The following ZSWIM7 variants were observed in gnomAD, a reference collection of about 807,000 sequenced individuals.
ZSWIM7 encodes the protein zinc finger SWIM-type containing 7.
A neutral mutation model predicts 21.1 loss-of-function variants in ZSWIM7; 22 were observed. The ratio of observed to expected loss-of-function variants is 1.04; its 90% CI spans 0.74 to 1.49. The LOEUF (loss-of-function observed/expected upper bound fraction) is 1.49. Among genes scored for constraint, ZSWIM7 ranks in the 40% most tolerant of loss-of-function variants. The pLI is 0.00. For synonymous variants in ZSWIM7, 67 were observed against 66.5 expected (o/e 1.01, Z -0.04); for missense variants, 193 against 168.0 (o/e 1.15, Z -0.82).
chr17:15,996,731 G>A (rs1970559715), intron 1 of ZSWIM7, among the ~76,000 whole-genome samples: 1 of 151,930 alleles, frequency 6.6e-6, no homozygotes, highest in East Asian at 1.9e-4. Flanking sequence ...CACACCTGTG[G>A]TACCAGTTAC....
intron 3 of ZSWIM7, 60 bp from the exon 4 acceptor site, chr17:15,981,204 C>G: frequency 2.4e-5 from 30 of 1,274,800 alleles, no homozygotes; most frequent in Non-Finnish European, 3.4e-5. Context: ...CACCTCTTTC[C>G]CTTTTTATTT....
rs1451700849 is a variant in ZSWIM7 at position 15,980,060 on chromosome 17, C to T, written c.306+980G>A. 7.0e-5 allele frequency among the ~76,000 whole-genome samples: 9 copies of T among 128,596 alleles called. No individual in the cohort carries two copies. In the East Asian group the frequency reaches 1.3e-3, roughly 18 times the overall value. The allele number at this position is 128,596 out of a possible 152,430, so 84.4% of individuals were successfully genotyped here. On this transcript the variant is annotated intron_variant, in intron 4 of 4. Transcript: ENST00000399277. Reference sequence around the variant, plus strand: ...CTGACCCCCCCACCTCCCTCCCGGACGGGGCGGCTGGCCGGGCAGAGGGGC... The same window carrying T: ...CTGACCCCCCCACCTCCCTCCCGGATGGGGCGGCTGGCCGGGCAGAGGGGC...
At chr17:15,980,747 T>C (rs1481708460) in intron 4 of ZSWIM7, among the ~76,000 whole-genome samples, 1 of 152,202 alleles carries the variant, frequency 6.6e-6, no homozygotes, top group South Asian at 2.1e-4. Flanking sequence ...CATATTTTTA[T>C]GGGGCCATCT....
At chr17:15,979,877 TGACCCCCCCACCTCCCTCCCGGAC>T (rs1336979030) in intron 4 of ZSWIM7, among the ~76,000 whole-genome samples, 2,124 of 54,788 alleles carry the variant, frequency 0.039, 747 homozygotes, top group Admixed American at 0.052. Flanking sequence ...GGCGGGGGGC[TGACCCCCCCACCTCCCTCCCGGAC>T]GGGGGGCTGA....
At chr17:15,982,781 G>A (rs904472141) in intron 3 of ZSWIM7, among the ~76,000 whole-genome samples, 40 of 152,210 alleles carry the variant, frequency 2.6e-4, no homozygotes, top group Admixed American at 2.5e-3. Context: ...CTCCTGAGGA[G>A]GTAGGAGTAC....
At chr17:15,989,653 GTCTC>G (rs1050673418) in intron 2 of ZSWIM7, among the ~76,000 whole-genome samples, 6 of 151,930 alleles carry the variant, frequency 3.9e-5, no homozygotes, top group East Asian at 1.9e-4. Flanking sequence ...TTGAGACAAA[GTCTC>G]TCTCTGTCAC....
At chr17:15,997,054 C>T (rs962956301) in intron 1 of ZSWIM7, among the ~76,000 whole-genome samples, 1 of 151,204 alleles carries the variant, frequency 6.6e-6, no homozygotes, top group African/African-American at 2.4e-5. Context: ...CAGATACTCA[C>T]TTGGGAGGCT....
intron 1 of ZSWIM7, among the ~76,000 whole-genome samples, chr17:15,995,317 G>A (rs551705233): frequency 1.3e-4 from 20 of 151,438 alleles, no homozygotes; most frequent in Non-Finnish European, 2.9e-4. Flanking sequence ...GCCCAGGCTG[G>A]AGTACAATGA....
chr17:15,991,704 G>A (rs1462875267), intron 2 of ZSWIM7, among the ~76,000 whole-genome samples: 1 of 152,086 alleles, frequency 6.6e-6, no homozygotes, highest in East Asian at 1.9e-4. Context: ...ATACAGTAAA[G>A]GTTAAGGCCG....
At chr17:15,997,210 A>G (rs1054057679) in intron 1 of ZSWIM7, among the ~76,000 whole-genome samples, 1 of 152,108 alleles carries the variant, frequency 6.6e-6, no homozygotes, top group Non-Finnish European at 1.5e-5. Flanking sequence ...AGGATATACT[A>G]AACATAGGAC....
chr17:15,997,316 A>C (rs1434673021), intron 1 of ZSWIM7, among the ~76,000 whole-genome samples: 1 of 152,210 alleles, frequency 6.6e-6, no homozygotes, highest in African/African-American at 2.4e-5. Flanking sequence ...GCAAGTCCGA[A>C]GGCTCTAGAG....
intron 2 of ZSWIM7, among the ~76,000 whole-genome samples, chr17:15,990,247 CA>C (rs34402868): frequency 0.52 from 74,870 of 144,804 alleles, 19,925 homozygotes; most frequent in Middle Eastern, 0.61. Flanking sequence ...AGCAATAAAC[CA>C]AAATTTAAGA....
chr17:15,993,520 C>G (rs1341599372), intron 2 of ZSWIM7, among the ~76,000 whole-genome samples: 1 of 151,924 alleles, frequency 6.6e-6, no homozygotes, highest in Non-Finnish European at 1.5e-5. Flanking sequence ...GTGCCCACCA[C>G]CACGTCCAGC....
intron 1 of ZSWIM7, among the ~76,000 whole-genome samples, chr17:15,998,000 C>T (rs933268161): frequency 1.3e-5 from 2 of 152,018 alleles, no homozygotes; most frequent in Admixed American, 6.6e-5. Flanking sequence ...ACTTGGGAGG[C>T]TGAGGCAGGA....
At chr17:15,990,019 G>A (rs185810259) in intron 2 of ZSWIM7, among the ~76,000 whole-genome samples, 1 of 152,186 alleles carries the variant, frequency 6.6e-6, no homozygotes, top group East Asian at 1.9e-4. Flanking sequence ...AGCAGATCGA[G>A]ACCATCCTGG....
chr17:15,984,324 T>C (rs1970386722), intron 3 of ZSWIM7, among the ~76,000 whole-genome samples: 1 of 152,238 alleles, frequency 6.6e-6, no homozygotes, highest in South Asian at 2.1e-4. Flanking sequence ...CATAATTCAA[T>C]TCCTTCACCC....
intron 1 of ZSWIM7, among the ~76,000 whole-genome samples, chr17:15,998,060 A>G (rs1970583374): frequency 6.6e-6 from 1 of 151,898 alleles, no homozygotes; most frequent in African/African-American, 2.4e-5. Flanking sequence ...GAGATCGCCC[A>G]TTGCACTCCA....
intron 1 of ZSWIM7, among the ~76,000 whole-genome samples, chr17:15,995,693 G>C (rs1487154904): frequency 2.6e-5 from 4 of 151,708 alleles, no homozygotes; most frequent in Non-Finnish European, 1.5e-5. Flanking sequence ...GCCACAGTAA[G>C]TCAACCAGAA....
At chr17:15,994,242 C>T (rs1421090837) in intron 1 of ZSWIM7, among the ~76,000 whole-genome samples, 7 of 152,312 alleles carry the variant, frequency 4.6e-5, no homozygotes, top group African/African-American at 1.2e-4. Flanking sequence ...CATGAGCCAC[C>T]GTGCCCGGCC....
Sources: allele counts gnomAD v4.1 joint callset (sites outside exome capture counted in the v4.1 genomes callset), GRCh38; gene constraint gnomAD v4.1.1; transcripts MANE v1.5; gene names NCBI Gene and HGNC (gene_info 2026-07-23, HGNC 2026-07-21).